SUPT3H: variants seen among roughly 807,000 people sequenced by gnomAD.
The protein encoded by SUPT3H is transcription initiation protein SPT3 homolog.
SUPT3H carries 44 observed loss-of-function variants against 44.3 expected under a neutral mutation model. That is an observed-to-expected ratio of 0.99 (90% CI 0.78 to 1.28). The LOEUF (loss-of-function observed/expected upper bound fraction) is 1.28. Ranked by LOEUF, SUPT3H falls within the 50% of genes most tolerant of loss-of-function variation. SUPT3H has a pLI of 0.00. For missense variants in SUPT3H, 380 were observed against 387.1 expected (o/e 0.98, Z 0.15); for synonymous variants, 124 against 125.6 (o/e 0.99, Z 0.09).
intron 2 of SUPT3H, among the ~76,000 whole-genome samples, chr6:45,338,535 G>C (rs1240451852): frequency 1.3e-5 from 2 of 152,004 alleles, no homozygotes; most frequent in African/African-American, 4.8e-5. Context: ...GCTGCCAGTA[G>C]GTAAAACAAC....
intron 2 of SUPT3H, among the ~76,000 whole-genome samples, chr6:45,130,982 G>A (rs1361735772): frequency 6.6e-6 from 1 of 151,940 alleles, no homozygotes; most frequent in African/African-American, 2.4e-5. Context: ...CTCCCAAAGT[G>A]CTGGGACTAC....
intron 2 of SUPT3H, among the ~76,000 whole-genome samples, chr6:45,295,384 A>T (rs974946238): frequency 1.3e-5 from 2 of 152,178 alleles, no homozygotes; most frequent in African/African-American, 4.8e-5. Flanking sequence ...AAACTATAAA[A>T]GTTCCAGAAG....
At chr6:45,139,174 G>C (rs920817192) in intron 2 of SUPT3H, among the ~76,000 whole-genome samples, 2 of 152,008 alleles carry the variant, frequency 1.3e-5, no homozygotes. Flanking sequence ...CAAAGCTAAA[G>C]TTTTATGACT....
At chr6:45,143,521 A>G (rs1337133728) in intron 2 of SUPT3H, among the ~76,000 whole-genome samples, 3 of 152,146 alleles carry the variant, frequency 2.0e-5, no homozygotes, top group Admixed American at 2.0e-4. Flanking sequence ...CAGTGACAAA[A>G]CTCATCAAAA....
chr6:45,350,603 G>T (rs1266516269), intron 2 of SUPT3H, among the ~76,000 whole-genome samples: 2 of 152,052 alleles, frequency 1.3e-5, no homozygotes, highest in East Asian at 3.9e-4. Context: ...GAAAAATAGG[G>T]GGATGAAAAC....
intron 9 of SUPT3H, among the ~76,000 whole-genome samples, chr6:44,937,741 A>C (rs1259795306): frequency 6.6e-6 from 1 of 151,316 alleles, no homozygotes; most frequent in Non-Finnish European, 1.5e-5. Context: ...AAAAATGCCT[A>C]TTCATTTCCT....
rs1327299436 is a variant in SUPT3H at position 44,870,771 on chromosome 6, G to A, written c.913-40914C>T. Among the ~76,000 whole-genome samples, 4 of 150,852 alleles carry A rather than the reference G, an allele frequency of 2.7e-5. 1 individual carries two copies. The South Asian group carries it at 8.5e-4, about 32-fold the overall frequency. The stretch of plus-strand genomic sequence containing the variant: ...CTCACTAGGGAGTGCCAGAGAGTGG[G>A]CGCAGGCCAGTGTGTGCGCGCACCC... On this transcript the variant is annotated intron_variant, in intron 10 of 10. Transcript: ENST00000371459.
At chr6:44,844,503 C>A (rs1771541251) in intron 10 of SUPT3H, among the ~76,000 whole-genome samples, 1 of 152,066 alleles carries the variant, frequency 6.6e-6, no homozygotes, top group African/African-American at 2.4e-5. Context: ...CAAATGTCCA[C>A]TACAAAGAAA....
At chr6:45,255,661 G>A (rs1210602069) in intron 2 of SUPT3H, among the ~76,000 whole-genome samples, 2 of 151,808 alleles carry the variant, frequency 1.3e-5, no homozygotes, top group East Asian at 3.9e-4. Context: ...GGCCTCAGGT[G>A]ATCCTCCCGC....
intron 9 of SUPT3H, among the ~76,000 whole-genome samples, chr6:44,946,883 G>A (rs1773435142): frequency 6.6e-6 from 1 of 152,072 alleles, no homozygotes; most frequent in Admixed American, 6.6e-5. Flanking sequence ...AATATCACGT[G>A]CTACAGAGAA....
chr6:45,047,279 A>G (rs1789550662), intron 3 of SUPT3H, among the ~76,000 whole-genome samples: 1 of 152,178 alleles, frequency 6.6e-6, no homozygotes, highest in Non-Finnish European at 1.5e-5. Context: ...CCTTGTTCTC[A>G]TTCTTAAGGT....
intron 2 of SUPT3H, among the ~76,000 whole-genome samples, chr6:45,145,408 A>C (rs1318830252): frequency 6.6e-6 from 1 of 152,092 alleles, no homozygotes; most frequent in Non-Finnish European, 1.5e-5. Context: ...ACAAAAACAT[A>C]AAGTGAGGAA....
intron 10 of SUPT3H, among the ~76,000 whole-genome samples, chr6:44,838,098 A>G (rs1770253207): frequency 6.6e-6 from 1 of 152,250 alleles, no homozygotes; most frequent in Non-Finnish European, 1.5e-5. Context: ...AAGACAATAA[A>G]TAAAAAATTA....
chr6:44,868,055 T>C (rs1380188322), intron 10 of SUPT3H, among the ~76,000 whole-genome samples: 2 of 152,138 alleles, frequency 1.3e-5, no homozygotes, highest in East Asian at 3.9e-4. Flanking sequence ...TTAGTGAGGT[T>C]TTACTGAATA....
At chr6:45,248,389 C>A (rs1417590734) in intron 2 of SUPT3H, among the ~76,000 whole-genome samples, 1 of 151,798 alleles carries the variant, frequency 6.6e-6, no homozygotes. Context: ...ATAAAAAGCT[C>A]TCCAAATAAA....
intron 2 of SUPT3H, among the ~76,000 whole-genome samples, chr6:45,106,937 T>A (rs1799370945): frequency 6.6e-6 from 1 of 152,212 alleles, no homozygotes; most frequent in African/African-American, 2.4e-5. Flanking sequence ...CACATCCCAA[T>A]TACCAATGTA....
At chr6:45,062,353 T>C (rs1369981812) in intron 3 of SUPT3H, among the ~76,000 whole-genome samples, 1 of 152,164 alleles carries the variant, frequency 6.6e-6, no homozygotes, top group Admixed American at 6.5e-5. Flanking sequence ...ATAAATATCA[T>C]AAAATTATAA....
chr6:44,957,834 A>C (rs906403926), intron 7 of SUPT3H, among the ~76,000 whole-genome samples: 1 of 152,196 alleles, frequency 6.6e-6, no homozygotes, highest in African/African-American at 2.4e-5. Context: ...CTATTCATCA[A>C]AAGACATGCA....
At chr6:44,952,326 A>T (rs1285799669) in intron 9 of SUPT3H, among the ~76,000 whole-genome samples, 2 of 152,220 alleles carry the variant, frequency 1.3e-5, no homozygotes, top group Non-Finnish European at 2.9e-5. Context: ...GAATGTGTTT[A>T]TAGAAAAAGG....
Sources: gnomAD v4.1 joint callset for allele counts (sites outside exome capture counted in the v4.1 genomes callset) on GRCh38, gnomAD v4.1.1 for gene constraint, MANE v1.5 for transcripts, NCBI Gene and HGNC (gene_info 2026-07-23, HGNC 2026-07-21) for gene names.